The following PALM2AKAP2 variants were observed in gnomAD, a reference collection of about 807,000 sequenced individuals.
The protein encoded by PALM2AKAP2 is PALM2 and AKAP2 fusion, also known as PALM2-AKAP2 fusion protein.
In PALM2AKAP2, 37 loss-of-function variants were observed where a neutral mutation model predicts 71.5. The observed-to-expected ratio is 0.52, with a 90% confidence interval of 0.40 to 0.68. PALM2AKAP2 has a LOEUF of 0.68. PALM2AKAP2 is among the 30% of genes least tolerant of loss of function. The pLI is 0.00. For missense variants in PALM2AKAP2, 1,224 were observed against 1,191.8 expected, an observed-to-expected ratio of 1.03 and a Z score of -0.40; for synonymous variants, 468 against 478.8, an observed-to-expected ratio of 0.98 and a Z score of 0.29.
intron 1 of PALM2AKAP2, among the ~76,000 whole-genome samples, chr9:109,665,470 G>T (rs2118470912): frequency 6.6e-6 from 1 of 152,324 alleles, no homozygotes; most frequent in South Asian, 2.1e-4. Context: ...GTTGGAGTTT[G>T]CTAGAGTTGC....
chr9:110,029,150 T>C (rs1833234808), intron 7 of PALM2AKAP2, among the ~76,000 whole-genome samples: 3 of 152,278 alleles, frequency 2.0e-5, no homozygotes, highest in Admixed American at 1.3e-4. Flanking sequence ...GAAGTGAAAC[T>C]ATGAGAAACA....
intron 1 of PALM2AKAP2, among the ~76,000 whole-genome samples, chr9:109,799,669 T>A (rs576308019): frequency 6.6e-6 from 1 of 152,262 alleles, no homozygotes; most frequent in African/African-American, 2.4e-5. Flanking sequence ...AATTTTTTTG[T>A]ATTTTTTGTA....
At chr9:109,729,504 G>A (rs748720775) in intron 1 of PALM2AKAP2, among the ~76,000 whole-genome samples, 2 of 152,060 alleles carry the variant, frequency 1.3e-5, no homozygotes, top group Admixed American at 6.6e-5. Flanking sequence ...AACTTTCCTC[G>A]ATTCCTGTTT....
intron 1 of PALM2AKAP2, among the ~76,000 whole-genome samples, chr9:109,754,378 T>C (rs571717550): frequency 2.6e-5 from 4 of 152,300 alleles, no homozygotes; most frequent in African/African-American, 9.6e-5. Context: ...ATTCAACTTC[T>C]TCATTCTCTC....
intron 1 of PALM2AKAP2, among the ~76,000 whole-genome samples, chr9:109,691,833 GATATAT>G (rs1185965530): frequency 0.012 from 435 of 36,034 alleles, 7 homozygotes; most frequent in Non-Finnish European, 0.018. Flanking sequence ...CCAGAAAGAC[GATATAT>G]ATATATATAT....
chr9:109,797,457 C>T (rs1429202861), intron 1 of PALM2AKAP2, among the ~76,000 whole-genome samples: 2 of 152,216 alleles, frequency 1.3e-5, no homozygotes, highest in Non-Finnish European at 2.9e-5. Context: ...CACAAATTTC[C>T]AGCTAGAGCA....
In PALM2AKAP2 at chr9:110,057,376, T is replaced by G. The variant is rs552072077; in HGVS notation, c.156+8521T>G. Among the ~76,000 whole-genome samples, 101 of 131,598 alleles carry G rather than the reference T, an allele frequency of 7.7e-4. No homozygotes were observed. The South Asian group carries it at 0.023, about 30-fold the overall frequency. The allele number at this position is 131,598 out of a possible 152,430, so 86.3% of individuals were successfully genotyped here. ...CCCAGCTCCTTCTCTGTTTTTTTTTTTTTTGTTTTTTTGTTTTTTTTTTTG... is the reference window on the plus strand; with the variant it reads ...CCCAGCTCCTTCTCTGTTTTTTTTTGTTTTGTTTTTTTGTTTTTTTTTTTG... On this transcript the variant is annotated intron_variant, in intron 1 of 3. Transcript: ENST00000374525.
chr9:110,153,576 A>AT (rs1339105529), intron 2 of PALM2AKAP2, among the ~76,000 whole-genome samples: 3 of 152,184 alleles, frequency 2.0e-5, no homozygotes, highest in Non-Finnish European at 4.4e-5. Flanking sequence ...ATCCATAAGC[A>AT]TTTACTTGTG....
intron 6 of PALM2AKAP2, among the ~76,000 whole-genome samples, chr9:109,961,139 GCT>G (rs1043071127): frequency 1.3e-5 from 2 of 152,214 alleles, no homozygotes; most frequent in East Asian, 1.9e-4. Context: ...TACTACACCT[GCT>G]CAGGCAAAAG....
chr9:109,759,334 A>C (rs990998727), intron 1 of PALM2AKAP2, among the ~76,000 whole-genome samples: 2 of 152,098 alleles, frequency 1.3e-5, no homozygotes, highest in African/African-American at 4.8e-5. Flanking sequence ...GAATGGTAGA[A>C]TGTTTTGTAA....
intron 6 of PALM2AKAP2, among the ~76,000 whole-genome samples, chr9:109,998,727 G>A (rs1004870769): frequency 1.2e-4 from 17 of 146,468 alleles, no homozygotes; most frequent in South Asian, 2.2e-4. Flanking sequence ...TGATTGCACC[G>A]CTGCCGTCCA....
At chr9:109,951,722 G>A (rs1241041595) in intron 6 of PALM2AKAP2, among the ~76,000 whole-genome samples, 1 of 152,156 alleles carries the variant, frequency 6.6e-6, no homozygotes, top group African/African-American at 2.4e-5. Flanking sequence ...TTGTAATAAT[G>A]TCTCCAGGTG....
upstream of PALM2AKAP2, among the ~76,000 whole-genome samples, chr9:110,045,872 TC>T (rs1222530693): frequency 1.3e-5 from 2 of 152,164 alleles, no homozygotes; most frequent in African/African-American, 4.8e-5. Context: ...CCTGCCGGAA[TC>T]TGCCTTTTTA....
At chr9:109,772,861 G>C (rs1318827701) in intron 1 of PALM2AKAP2, among the ~76,000 whole-genome samples, 2 of 152,224 alleles carry the variant, frequency 1.3e-5, no homozygotes, top group African/African-American at 4.8e-5. Flanking sequence ...GTTCATGCCT[G>C]TAATCCCAGC....
intron 1 of PALM2AKAP2, among the ~76,000 whole-genome samples, chr9:109,696,950 A>G (rs1827980548): frequency 6.6e-6 from 1 of 152,114 alleles, no homozygotes; most frequent in East Asian, 1.9e-4. Context: ...AGTGCTCCCC[A>G]TGGGATCAGG....
intron 6 of PALM2AKAP2, among the ~76,000 whole-genome samples, chr9:109,975,643 TG>T (rs1832159276): frequency 3.3e-5 from 5 of 152,366 alleles, no homozygotes; most frequent in Admixed American, 3.3e-4. Flanking sequence ...TGGACACTAC[TG>T]GGCTTTGAGT....
At position 110,148,581 on chromosome 9, in the gene PALM2AKAP2, G is replaced by A. The variant is rs1836234939; in HGVS notation, c.2570-7738G>A. The A allele has an allele frequency of 2.0e-5, 3 of 152,294 alleles. No homozygotes were observed. The South Asian group carries it at 6.2e-4, about 32-fold the overall frequency. The allele number at this position is 152,294 out of a possible 1,614,324, so 9.4% of individuals were successfully genotyped here. A position where few individuals can be genotyped will look rare whatever the true frequency, so the allele number is the denominator to read the frequency against. On this transcript the variant is annotated intron_variant, in intron 2 of 3. Coordinates refer to ENST00000374525, the Ensembl canonical transcript of PALM2AKAP2. ...ACTGAGAGGAAACGAAATTGAAAAT[G>A]CAAGTCTGAGCTCATTTCTTTCTGG...
At chr9:110,062,116 A>T (rs1833978650) in intron 1 of PALM2AKAP2, among the ~76,000 whole-genome samples, 2 of 152,196 alleles carry the variant, frequency 1.3e-5, no homozygotes, top group South Asian at 2.1e-4. Context: ...AAGTTCCAGG[A>T]TACATGTGCA....
Position 109,741,221 on chromosome 9 carries a change from C to T in PALM2AKAP2, c.6-39267C>T, listed in dbSNP as rs543599801. Among the ~76,000 whole-genome samples, 8 of 152,248 alleles carry T rather than the reference C, an allele frequency of 5.3e-5. No homozygotes were observed. In the East Asian group the frequency reaches 1.4e-3, roughly 26 times the overall value. On this transcript the variant is annotated intron_variant, in intron 1 of 6. Transcript: ENST00000374531. ...GGAACTTTGTAAAAATGAAATTATG[C>T]ATGCTTTTGAGTCTGGGTTTCTTTC...
Sources: gnomAD v4.1 joint callset for allele counts (sites outside exome capture counted in the v4.1 genomes callset) on GRCh38, gnomAD v4.1.1 for gene constraint, MANE v1.5 for transcripts, NCBI Gene and HGNC (gene_info 2026-07-23, HGNC 2026-07-21) for gene names.